Variants in GATC observed in about 807,000 individuals in gnomAD.
GATC encodes glutamyl-tRNA amidotransferase subunit C, also known as glutamyl-tRNA(Gln) amidotransferase subunit C, mitochondrial.
In GATC, 11 loss-of-function variants were observed where a neutral mutation model predicts 14.4. The ratio of observed to expected loss-of-function variants is 0.77; its 90% confidence interval spans 0.48 to 1.27. The LOEUF (loss-of-function observed/expected upper bound fraction) is 1.27, where lower values mean the gene tolerates loss of function less well. Ranked by LOEUF, GATC falls within the 50% of genes most tolerant of loss-of-function variation. The pLI is 0.00. For synonymous variants in GATC, 76 were observed against 79.3 expected, an observed-to-expected ratio of 0.96 and a Z score of 0.22; for missense variants, 204 against 183.0, an observed-to-expected ratio of 1.11 and a Z score of -0.66.
rs752825293 is a variant in GATC at position 120,460,155 on chromosome 12, GCTAA to G, written c.*199_*202del. ...CCCAACAAGGCAGTGAGTTCCTGAT[GCTAA>G]CTGAGGTGAAAGAAAAGCAAAAGTC... On this transcript the variant is annotated 3_prime_UTR_variant, in exon 4 of 4. Transcript: ENST00000551765. 67 of 506,712 alleles carry G rather than the reference GCTAA, an allele frequency of 1.3e-4. No individual in the cohort carries two copies. Among genetic ancestry groups the G allele is most frequent in the Non-Finnish European group, 2.0e-4 (55 of 274,022 alleles). 31.4% of individuals were successfully genotyped at this position (506,712 alleles called of 1,614,324 possible). A position where few individuals can be genotyped will look rare whatever the true frequency, so the allele number is the denominator to read the frequency against.
Position 120,457,196 on chromosome 12 carries a change from A to C in GATC, c.358+17A>C. The C allele has an allele frequency of 6.4e-7, 1 of 1,551,806 alleles. No individual in the cohort carries two copies. The highest frequency in any genetic ancestry group is 1.4e-5 in the African/African-American group (1 of 73,486). On this transcript the variant is annotated intron_variant, in intron 3 of 3. Coordinates refer to ENST00000551765, the MANE Select transcript of GATC (RefSeq NM_176818.3). Reference sequence around the variant, plus strand: ...CCCCCCCAGGTACGTGCTGCCCAGAATGGTTTAACAGATAGTCTCACAGTA... The same window carrying C: ...CCCCCCCAGGTACGTGCTGCCCAGACTGGTTTAACAGATAGTCTCACAGTA...
intron 2 of GATC, among the ~76,000 whole-genome samples, chr12:120,452,164 A>C (rs547251842): frequency 1.3e-5 from 2 of 152,210 alleles, no homozygotes; most frequent in Admixed American, 1.3e-4. Flanking sequence ...GGCATGAGCC[A>C]CCGTGCCCGG....
At chr12:120,449,661 C>G (rs781724728) in intron 2 of GATC, among the ~76,000 whole-genome samples, 81 of 151,608 alleles carry the variant, frequency 5.3e-4, no homozygotes, top group African/African-American at 1.9e-3. Flanking sequence ...TGGCAAGGCT[C>G]GTCTTGAACT....
chr12:120,454,824 G>A (rs1377308291), intron 2 of GATC: 1 of 130,374 alleles, frequency 7.7e-6, no homozygotes, highest in Non-Finnish European at 1.5e-5. Context: ...GTTCTCCCAA[G>A]TTTTCTTAAA....
rs1878366066 is a variant in GATC, at chr12:120,462,239, C to T, written c.*2280C>T. ...GAAGAATAAGCAAACCAACATCTAA[C>T]AATAATAGTTAAGTATTGAGCACTT... On this transcript the variant is annotated 3_prime_UTR_variant, in exon 4 of 4. Transcript: ENST00000551765. The T allele has an allele frequency of 1.4e-6, 2 of 1,473,228 alleles. No homozygotes were observed. The highest frequency in any genetic ancestry group is 1.8e-6 in the Non-Finnish European group (2 of 1,086,642). 91.3% of individuals were successfully genotyped at this position (1,473,228 alleles called of 1,614,324 possible). A position where few individuals can be genotyped will look rare whatever the true frequency, so the allele number is the denominator to read the frequency against.
chr12:120,458,027 T>C (rs1878233665), intron 3 of GATC, among the ~76,000 whole-genome samples: 1 of 152,134 alleles, frequency 6.6e-6, no homozygotes, highest in African/African-American at 2.4e-5. Context: ...CTATCAGTGT[T>C]GCCAGGCAGG....
rs577826731 is a variant in GATC at position 120,451,306 on chromosome 12, A to G, written c.254+4477A>G. On this transcript the variant is annotated intron_variant, in intron 2 of 3. Coordinates refer to ENST00000551765, the MANE Select transcript of GATC (RefSeq NM_176818.3). ...CTAAAAATACAAAATTAGCCAGGCA[A>G]GGTGGCAGGCGCCTGTAATCCCAGC... Among the ~76,000 whole-genome samples the G allele has an allele frequency of 1.4e-3, 216 of 150,594 alleles. 1 individual carries two copies. The highest frequency in any genetic ancestry group is 5.0e-3 in the African/African-American group (204 of 40,912).
At chr12:120,446,970 A>C in intron 2 of GATC, 141 bp downstream of exon 2, 1 of 746,510 alleles carries the variant, frequency 1.3e-6, no homozygotes, top group Non-Finnish European at 2.1e-6. Context: ...CTCGCGAGTC[A>C]GTGGCTTCAC....
In GATC at chr12:120,457,165, TTG is replaced by T. The variant is rs1878208295; in HGVS notation, c.347_348del (p.Val116GlyfsTer5). On this transcript the variant is annotated frameshift_variant, in exon 3 of 4. Transcript: ENST00000551765. LOFTEE classifies it high-confidence loss of function. Reference sequence around the variant, plus strand: ...TCCCATCGCGTCGTGGAGGAGTACTTTGTGGCCCCCCCAGGTACGTGCTGCCC... The same window carrying T: ...TCCCATCGCGTCGTGGAGGAGTACTTTGGCCCCCCCAGGTACGTGCTGCCC... 3 of 1,610,060 alleles carry T rather than the reference TTG, an allele frequency of 1.9e-6. No individual in the cohort carries two copies. The African/African-American group carries it at 4.1e-5, about 22-fold the overall frequency.
chr12:120,451,467 C>T (rs551319418), intron 2 of GATC, among the ~76,000 whole-genome samples: 7 of 148,840 alleles, frequency 4.7e-5, no homozygotes, highest in South Asian at 4.3e-4. Flanking sequence ...CAAGGCTGGG[C>T]GTGGTGTTTC....
At chr12:120,459,883 TTC>T (rs753545886) in intron 3 of GATC, 22 bp from the exon 4 acceptor site, 11 of 1,591,168 alleles carry the variant, frequency 6.9e-6, no homozygotes, top group Admixed American at 5.0e-5. Flanking sequence ...CAAACAAAAA[TTC>T]TCTTTTGTTA....
intron 2 of GATC, among the ~76,000 whole-genome samples, chr12:120,447,609 T>C (rs973599892): frequency 3.3e-5 from 5 of 152,066 alleles, no homozygotes; most frequent in African/African-American, 1.2e-4. Flanking sequence ...TCCTAACCAC[T>C]CCAAATCCCT....
intron 3 of GATC, among the ~76,000 whole-genome samples, chr12:120,457,711 A>T (rs928950654): frequency 5.4e-5 from 8 of 147,626 alleles, no homozygotes; most frequent in African/African-American, 1.8e-4. Flanking sequence ...GGTTCAAGCG[A>T]TTCTCCTGCT....
intron 3 of GATC, among the ~76,000 whole-genome samples, chr12:120,459,599 G>A (rs1878275672): frequency 6.6e-6 from 1 of 152,210 alleles, no homozygotes; most frequent in Non-Finnish European, 1.5e-5. Flanking sequence ...GCTCATGCCT[G>A]TAATCCTAGC....
intron 2 of GATC, chr12:120,454,799 TTTTA>T (rs1376984578): frequency 5.4e-6 from 1 of 185,444 alleles, no homozygotes; most frequent in Non-Finnish European, 1.2e-5. Flanking sequence ...TAATTATGAT[TTTTA>T]TTTTACTTTT....
chr12:120,456,192 AC>A (rs1355365441), intron 2 of GATC, among the ~76,000 whole-genome samples: 1 of 152,114 alleles, frequency 6.6e-6, no homozygotes, highest in Non-Finnish European at 1.5e-5. Flanking sequence ...AGGCTTACAC[AC>A]TTTTACACCT....
chr12:120,451,917 G>A lies in GATC; in HGVS notation c.254+5088G>A, dbSNP rs184978068. Among the ~76,000 whole-genome samples, 59 of 114,564 alleles carry A rather than the reference G, an allele frequency of 5.1e-4. 2 individuals are homozygous for A. The East Asian group carries it at 0.015, about 29-fold the overall frequency. The allele number at this position is 114,564 out of a possible 152,430, so 75.2% of individuals were successfully genotyped here. A position where few individuals can be genotyped will look rare whatever the true frequency, so the allele number is the denominator to read the frequency against. On this transcript the variant is annotated intron_variant, in intron 2 of 3. Transcript: ENST00000551765. ...TTTTGAGCTGGAGTCTCACTCTGTC[G>A]TCCAGGCTGGATGCAGTGGCACGAT... is the stretch of plus-strand genomic sequence containing the variant.
chr12:120,446,509 T>G lies in GATC; in HGVS notation c.29T>G (p.Leu10Arg), dbSNP rs1283663576. 4 of 1,606,266 alleles carry G rather than the reference T, an allele frequency of 2.5e-6. No homozygotes were observed. The highest frequency in any genetic ancestry group is 3.4e-6 in the Non-Finnish European group (4 of 1,175,582). MWSRLVWLG[L>R]RAPLGGRQGF... ...TGGTCGCGGTTGGTGTGGCTGGGCC[T>G]TCGGGCCCCTCTGGGCGGGCGCCAG... The change falls in exon 1 of 4, where the codon CTT becomes CGT. Residue 10 changes from leucine (L) to arginine (R), a missense_variant. Leu to Arg is a moderately radical substitution (Grantham distance 102, BLOSUM62 -2). Transcript: ENST00000551765.
chr12:120,454,451 T>A (rs1878126507), intron 2 of GATC, among the ~76,000 whole-genome samples: 1 of 152,070 alleles, frequency 6.6e-6, no homozygotes, highest in South Asian at 2.1e-4. Flanking sequence ...GACGGAGTCT[T>A]GCTCTGTCGC....
Sources: allele counts gnomAD v4.1 joint callset (sites outside exome capture counted in the v4.1 genomes callset), GRCh38; gene constraint gnomAD v4.1.1; transcripts MANE v1.5; gene names NCBI Gene and HGNC (gene_info 2026-07-23, HGNC 2026-07-21).